SLIT3: variants seen among roughly 807,000 people sequenced by gnomAD.
SLIT3 encodes the protein slit homolog 3 protein.
In SLIT3, 68 loss-of-function variants were observed where a neutral mutation model predicts 184.0. The observed-to-expected ratio is 0.37, with a 90% CI of 0.30 to 0.45. SLIT3 has a LOEUF of 0.45. Among genes scored for constraint, SLIT3 ranks in the 20% least tolerant of loss-of-function variants. SLIT3 has a pLI of 1.00. For missense variants in SLIT3, 1,707 were observed against 2,026.0 expected, an observed-to-expected ratio of 0.84 and a Z score of 3.02; for synonymous variants, 831 against 828.6, an observed-to-expected ratio of 1.00 and a Z score of -0.05.
At chr5:168,819,316 G>T (rs1757443085) in intron 7 of SLIT3, among the ~76,000 whole-genome samples, 2 of 152,226 alleles carry the variant, frequency 1.3e-5, no homozygotes, top group Non-Finnish European at 2.9e-5. Context: ...AGGAGGCTTG[G>T]CAGTGGACTT....
At chr5:169,261,709 C>T (rs1414484364) in intron 1 of SLIT3, among the ~76,000 whole-genome samples, 1 of 152,180 alleles carries the variant, frequency 6.6e-6, no homozygotes, top group Non-Finnish European at 1.5e-5. Flanking sequence ...ATGCCGCAGA[C>T]AGATTCTAAG....
At chr5:168,749,027 C>G (rs1561909288) in intron 19 of SLIT3, among the ~76,000 whole-genome samples, 1 of 152,184 alleles carries the variant, frequency 6.6e-6, no homozygotes, top group Non-Finnish European at 1.5e-5. Context: ...CATACTGAGT[C>G]TCATCATGAT....
chr5:168,897,631 T>G (rs1279621586), intron 4 of SLIT3, among the ~76,000 whole-genome samples: 4 of 49,778 alleles, frequency 8.0e-5, no homozygotes, highest in East Asian at 4.4e-4. Context: ...AGAAAGAGGA[T>G]GGAGACAGGT....
At chr5:168,696,140 C>G (rs1762057410) in intron 28 of SLIT3, 152 bp downstream of exon 28, 2 of 903,926 alleles carry the variant, frequency 2.2e-6, no homozygotes, top group Non-Finnish European at 3.5e-6. Flanking sequence ...AGCAAACAGG[C>G]CTTTGGGGAG....
At chr5:169,116,314 C>T (rs901864537) in intron 4 of SLIT3, among the ~76,000 whole-genome samples, 50 of 152,204 alleles carry the variant, frequency 3.3e-4, no homozygotes, top group Middle Eastern at 3.4e-3. Context: ...CTGGTTCCCA[C>T]GGAAGAAGAG....
intron 31 of SLIT3, among the ~76,000 whole-genome samples, chr5:168,685,150 T>C (rs541791493): frequency 6.6e-6 from 1 of 152,300 alleles, no homozygotes; most frequent in South Asian, 2.1e-4. Flanking sequence ...GGTTTCACCA[T>C]GTTGGCCAGG....
chr5:168,811,065 C>T (rs780376445), intron 8 of SLIT3, among the ~76,000 whole-genome samples: 5 of 152,050 alleles, frequency 3.3e-5, no homozygotes, highest in Non-Finnish European at 7.3e-5. Context: ...AAGGTGAAAG[C>T]GAAAGGTCCT....
chr5:168,761,020 C>A, intron 15 of SLIT3, 84 bp from the exon 16 acceptor site: 1 of 986,792 alleles, frequency 1.0e-6, no homozygotes, highest in South Asian at 1.3e-5. Flanking sequence ...GCATTGCTGC[C>A]TGAACCTCAC....
At chr5:168,949,722 C>CCCT (rs1250193093) in intron 4 of SLIT3, among the ~76,000 whole-genome samples, 1 of 152,120 alleles carries the variant, frequency 6.6e-6, no homozygotes, top group Non-Finnish European at 1.5e-5. Flanking sequence ...ACCTCATCCT[C>CCCT]CCTAGTAGCT....
intron 4 of SLIT3, among the ~76,000 whole-genome samples, chr5:169,054,728 G>T (rs2113073147): frequency 6.6e-6 from 1 of 152,322 alleles, no homozygotes; most frequent in South Asian, 2.1e-4. Flanking sequence ...AACGACGTCT[G>T]CCAGCCTCTC....
intron 9 of SLIT3, among the ~76,000 whole-genome samples, chr5:168,798,170 C>T (rs1311425699): frequency 6.6e-6 from 1 of 151,738 alleles, no homozygotes; most frequent in Non-Finnish European, 1.5e-5. Flanking sequence ...CTGCATCCTG[C>T]ACCCCTCACA....
chr5:169,159,693 G>A (rs764639055), intron 4 of SLIT3, among the ~76,000 whole-genome samples: 63 of 152,104 alleles, frequency 4.1e-4, no homozygotes, highest in Admixed American at 7.2e-4. Flanking sequence ...GAAGAATGGC[G>A]TGAACCTGGG....
Position 168,950,696 on chromosome 5 carries a change from T to G in SLIT3, c.414-67360A>C, listed in dbSNP as rs116312018. On this transcript the variant is annotated intron_variant, in intron 4 of 35. Coordinates refer to ENST00000519560, the MANE Select transcript of SLIT3 (RefSeq NM_003062.4). ...ATAATAAAGAGGGGGAAAACCCATTTTACAAAAAAATACCTGCCTCAAAAC... is the reference window on the plus strand; with the variant it reads ...ATAATAAAGAGGGGGAAAACCCATTGTACAAAAAAATACCTGCCTCAAAAC... Among the ~76,000 whole-genome samples, 946 of 152,350 alleles carry G rather than the reference T, an allele frequency of 6.2e-3. 10 individuals are homozygous for G. The highest frequency in any genetic ancestry group is 0.022 in the African/African-American group (900 of 41,572).
At chr5:168,996,520 G>A (rs1211496411) in intron 4 of SLIT3, among the ~76,000 whole-genome samples, 3 of 152,128 alleles carry the variant, frequency 2.0e-5, no homozygotes, top group Non-Finnish European at 1.5e-5. Flanking sequence ...AGTGACTTTG[G>A]GCTTGTTTGC....
chr5:169,129,706 C>A (rs946572324), intron 4 of SLIT3, among the ~76,000 whole-genome samples: 3 of 152,124 alleles, frequency 2.0e-5, no homozygotes, highest in South Asian at 4.1e-4. Flanking sequence ...TGCAACATGG[C>A]ACTGCGGAGT....
intron 34 of SLIT3, among the ~76,000 whole-genome samples, chr5:168,670,996 G>A (rs577240497): frequency 6.6e-6 from 1 of 152,210 alleles, no homozygotes; most frequent in East Asian, 1.9e-4. Context: ...GCCCTCTTAT[G>A]CTGATCCCTC....
chr5:169,219,170 G>T (rs572546082), intron 3 of SLIT3, among the ~76,000 whole-genome samples: 3 of 152,266 alleles, frequency 2.0e-5, no homozygotes, highest in South Asian at 2.1e-4. Context: ...CTGCCCAGGG[G>T]TGGTTTATTA....
chr5:169,143,768 C>A (rs1018635194), intron 4 of SLIT3, among the ~76,000 whole-genome samples: 17 of 152,000 alleles, frequency 1.1e-4, no homozygotes, highest in African/African-American at 4.1e-4. Context: ...CCATTGCACT[C>A]CAGCCTGGGT....
chr5:169,057,893 G>T (rs184397170), intron 4 of SLIT3, among the ~76,000 whole-genome samples: 19 of 152,212 alleles, frequency 1.2e-4, no homozygotes, highest in African/African-American at 3.9e-4. Flanking sequence ...AAAAGACACA[G>T]CTTTCTTTTA....
Sources: allele counts gnomAD v4.1 joint callset (sites outside exome capture counted in the v4.1 genomes callset), GRCh38; gene constraint gnomAD v4.1.1; transcripts MANE v1.5; gene names NCBI Gene and HGNC (gene_info 2026-07-23, HGNC 2026-07-21).